The following MRPL34 variants were observed in gnomAD, a reference collection of about 807,000 sequenced individuals.
MRPL34 encodes the protein large ribosomal subunit protein bL34m.
A neutral mutation model predicts 6.7 loss-of-function variants in MRPL34; 8 were observed. The observed-to-expected ratio is 1.20, with a 90% CI of 0.70 to 2.16. MRPL34 has a LOEUF of 2.16. Ranked by LOEUF, MRPL34 falls within the 30% of genes most tolerant of loss-of-function variation. MRPL34 has a pLI of 0.00. For synonymous variants in MRPL34, 59 were observed against 55.1 expected (o/e 1.07, Z -0.31); for missense variants, 146 against 125.5 (o/e 1.16, Z -0.78).
intron 1 of MRPL34, chr19:17,297,744 C>CTTTTTTTTTTTTTTTTTCT (rs71334702): frequency 7.7e-6 from 1 of 130,260 alleles, no homozygotes; most frequent in African/African-American, 2.8e-5. Flanking sequence ...GTTTTCTTTT[C>CTTTTTTTTTTTTTTTTTCT]TTTTTTTTTT....
At chr19:17,301,357 T>C (rs932304480), upstream of MRPL34, 3 of 1,610,230 alleles carry the variant, frequency 1.9e-6, no homozygotes, top group African/African-American at 1.3e-5. Context: ...CAACCGCCCA[T>C]TGCGGTACAC....
upstream of MRPL34, chr19:17,305,523 G>T (rs1418186545): frequency 3.5e-6 from 1 of 284,306 alleles, no homozygotes; most frequent in Admixed American, 5.1e-5. Context: ...CCAACCAGCC[G>T]CTTCCTGCAG....
In MRPL34 at chr19:17,293,733, G is replaced by T. The variant is rs572419038; in HGVS notation, c.214+879G>T. On this transcript the variant is annotated intron_variant, in intron 1 of 2. Coordinates refer to the MRPL34 transcript ENST00000595444. ...TTAAGAAACGGGGTCTTGCTCTGTC[G>T]CCCAGGCTGGAGTGCAGTGGTGCGA... is the stretch of plus-strand genomic sequence containing the variant. 1.8e-4 allele frequency among the ~76,000 whole-genome samples: 27 copies of T among 147,818 alleles called. No homozygotes were observed. In the South Asian group the frequency reaches 5.6e-3, roughly 31 times the overall value.
upstream of MRPL34, among the ~76,000 whole-genome samples, chr19:17,300,513 T>C (rs2074112504): frequency 6.6e-6 from 1 of 152,100 alleles, no homozygotes; most frequent in African/African-American, 2.4e-5. Context: ...AGTCTCCCTC[T>C]GTCGCCCAGG....
At chr19:17,292,857 A>T in intron 1 of MRPL34, 1 of 1,601,700 alleles carries the variant, frequency 6.2e-7, no homozygotes. Flanking sequence ...GGCTCAAGGT[A>T]GGCGGGGGCA....
chr19:17,301,753 C>T, upstream of MRPL34: 9 of 1,094,998 alleles, frequency 8.2e-6, no homozygotes, highest in Non-Finnish European at 9.8e-6. Context: ...ATCAAGTGAG[C>T]CACGGCACTG....
chr19:17,306,166 G>C lies in MRPL34; in HGVS notation c.66G>C (p.Arg22Ser), dbSNP rs2145666583. 3 of 1,522,074 alleles carry C rather than the reference G, an allele frequency of 2.0e-6. No individual in the cohort carries two copies. Among genetic ancestry groups the C allele is most frequent in the Non-Finnish European group, 2.6e-6 (3 of 1,138,096 alleles). 94.3% of individuals were successfully genotyped at this position (1,522,074 alleles called of 1,614,324 possible). A position where few individuals can be genotyped will look rare whatever the true frequency, so the allele number is the denominator to read the frequency against. ...TCTCGCCGTCCCTCTACCCACGCAG[G>C]TGGCTCCAGCCCCGGGCCTGGCTGG... is the stretch of plus-strand genomic sequence containing the variant. ...TSRSAALLGG[R>S]WLQPRAWLGF... The change falls in exon 2 of 2, where the codon AGG (arginine) becomes AGC (serine). Residue 22 changes from arginine to serine, a missense_variant and splice_region_variant. Coordinates refer to ENST00000252602, the MANE Select transcript of MRPL34 (RefSeq NM_023937.4).
upstream of MRPL34, among the ~76,000 whole-genome samples, chr19:17,304,710 G>A (rs1421897548): frequency 1.3e-5 from 2 of 152,190 alleles, no homozygotes; most frequent in African/African-American, 4.8e-5. Flanking sequence ...TGGCCCTTGA[G>A]GAGCCCTTGA....
chr19:17,302,526 G>C (rs1389204936), upstream of MRPL34, among the ~76,000 whole-genome samples: 1 of 152,200 alleles, frequency 6.6e-6, no homozygotes, highest in African/African-American at 2.4e-5. Context: ...TGAAAGGTGA[G>C]GCCCTAGGAG....
At chr19:17,292,926 C>A in intron 1 of MRPL34, 30 of 1,361,750 alleles carry the variant, frequency 2.2e-5, no homozygotes, top group Non-Finnish European at 3.0e-5. Flanking sequence ...TGGCCCACAG[C>A]ATCCAAAAGT....
chr19:17,299,558 C>G (rs1599524785), upstream of MRPL34, among the ~76,000 whole-genome samples: 1 of 82,280 alleles, frequency 1.2e-5, no homozygotes, highest in African/African-American at 4.4e-5. Flanking sequence ...GAGACTCCAT[C>G]TCAAAAAAAA....
upstream of MRPL34, chr19:17,305,769 C>G: frequency 2.1e-6 from 2 of 966,444 alleles, no homozygotes; most frequent in Non-Finnish European, 3.1e-6. Flanking sequence ...TCAGGGTTTT[C>G]CCCAACGGCC....
At chr19:17,299,433 T>C (rs186973936), upstream of MRPL34, among the ~76,000 whole-genome samples, 14 of 151,468 alleles carry the variant, frequency 9.2e-5, no homozygotes, top group Non-Finnish European at 1.3e-4. Flanking sequence ...TGGTAGCGGG[T>C]GCCTGTAGTC....
chr19:17,298,082 T>A (rs1368134252), upstream of MRPL34: 1 of 151,012 alleles, frequency 6.6e-6, no homozygotes, highest in African/African-American at 2.4e-5. Flanking sequence ...GCCTGGCTAA[T>A]TTTTTTTTGT....
Position 17,306,258 on chromosome 19 carries a change from A to G in MRPL34, c.158A>G (p.Tyr53Cys). ...QARGKARGNEYQPSNIKRKNK... is the reference protein window; with the variant it reads ...QARGKARGNECQPSNIKRKNK... ...CGGGGCAAGGCTCGCGGGAATGAGT[A>G]TCAGCCGAGCAACATCAAACGCAAG... The change falls in exon 2 of 2, where the codon TAT (tyrosine) becomes TGT (cysteine). Residue 53 changes from tyrosine to cysteine, a missense_variant. By Grantham distance (194) the Tyr-to-Cys change is radical (BLOSUM62 -2). Coordinates refer to ENST00000252602, the MANE Select transcript of MRPL34 (RefSeq NM_023937.4). 6.3e-7 allele frequency: 1 copy of G among 1,599,636 alleles called. No homozygotes were observed. The highest frequency in any genetic ancestry group is 8.5e-7 in the Non-Finnish European group (1 of 1,173,954).
chr19:17,294,330 G>T, intron 1 of MRPL34: 1 of 1,611,620 alleles, frequency 6.2e-7, no homozygotes, highest in Non-Finnish European at 8.5e-7. Flanking sequence ...CAAACTTATC[G>T]TGCATGCCGT....
rs1242309642 is a variant in MRPL34, at chr19:17,306,403, C to G, written c.*24C>G. 2 of 1,553,330 alleles carry G rather than the reference C, an allele frequency of 1.3e-6. No individual in the cohort carries two copies. The highest frequency in any genetic ancestry group is 2.7e-5 in the African/African-American group (2 of 72,914). On this transcript the variant is annotated 3_prime_UTR_variant, in exon 2 of 2. Coordinates refer to ENST00000252602, the MANE Select transcript of MRPL34 (RefSeq NM_023937.4). Reference sequence around the variant, plus strand: ...GAGGATCGCGACGCAGTCGGCGGGACCCTCATGGAAGCATCGCCCTCGCCT... The same window carrying G: ...GAGGATCGCGACGCAGTCGGCGGGAGCCTCATGGAAGCATCGCCCTCGCCT...
Position 17,306,601 on chromosome 19 carries a change from A to C in MRPL34, c.*222A>C. ...GCGCAACAGACCAAAGAACAGTACA[A>C]AGAACATCCGTGTACCCAGTACCCT... On this transcript the variant is annotated 3_prime_UTR_variant, in exon 2 of 2. Transcript: ENST00000252602. 2 of 490,138 alleles carry C rather than the reference A, an allele frequency of 4.1e-6. No homozygotes were observed. Among genetic ancestry groups the C allele is most frequent in the Non-Finnish European group, 3.6e-6 (1 of 277,076 alleles). The allele number at this position is 490,138 out of a possible 1,614,324, so 30.4% of individuals were successfully genotyped here. A position where few individuals can be genotyped will look rare whatever the true frequency, so the allele number is the denominator to read the frequency against.
At chr19:17,294,405 G>GC in intron 1 of MRPL34, 1 of 1,614,082 alleles carries the variant, frequency 6.2e-7, no homozygotes, top group Non-Finnish European at 8.5e-7. Flanking sequence ...GCCAGTACTG[G>GC]CCGCTCATCA....
Sources: gnomAD v4.1 joint callset for allele counts (sites outside exome capture counted in the v4.1 genomes callset) on GRCh38, gnomAD v4.1.1 for gene constraint, MANE v1.5 for transcripts, NCBI Gene and HGNC (gene_info 2026-07-23, HGNC 2026-07-21) for gene names.